Variants in TLR1 observed in about 807,000 individuals in gnomAD.
TLR1 encodes toll like receptor 1, also known as toll-like receptor 1.
A neutral mutation model predicts 20.2 loss-of-function variants in TLR1; 19 were observed. The ratio of observed to expected loss-of-function variants is 0.94; its 90% confidence interval spans 0.66 to 1.38. TLR1 has a LOEUF of 1.38. Among genes scored for constraint, TLR1 ranks in the 40% most tolerant of loss-of-function variants. The pLI is 0.00. For synonymous variants in TLR1, 320 were observed against 334.5 expected, an observed-to-expected ratio of 0.96 and a Z score of 0.47; for missense variants, 921 against 910.0, an observed-to-expected ratio of 1.01 and a Z score of -0.16.
intron 2 of TLR1, among the ~76,000 whole-genome samples, chr4:38,803,175 T>C (rs1726792276): frequency 6.6e-6 from 1 of 152,238 alleles, no homozygotes; most frequent in Admixed American, 6.5e-5. Context: ...TAATGAGAGC[T>C]GTTGCTGAAT....
chr4:38,799,556 A>G (rs1726488101), intron 3 of TLR1, among the ~76,000 whole-genome samples: 1 of 152,242 alleles, frequency 6.6e-6, no homozygotes, highest in African/African-American at 2.4e-5. Context: ...CAGCAGCCTC[A>G]GGAAACTAAT....
chr4:38,789,795 T>A (rs1354874561), downstream of TLR1, among the ~76,000 whole-genome samples: 3 of 152,192 alleles, frequency 2.0e-5, no homozygotes, highest in African/African-American at 7.2e-5. Flanking sequence ...AGCAATATTT[T>A]GGCAGAGATT....
In TLR1 at chr4:38,796,597, C is replaced by A. The variant is rs768660931; in HGVS notation, c.2235G>T (p.Lys745Asn). 6.2e-7 allele frequency: 1 copy of A among 1,614,134 alleles called. No individual in the cohort carries two copies. Among genetic ancestry groups the A allele is most frequent in the Admixed American group, 1.7e-5 (1 of 60,012 alleles). The change falls in exon 4 of 4, where the codon AAG becomes AAT. Residue 745 changes from lysine to asparagine, a missense_variant. Coordinates refer to ENST00000308979, the MANE Select transcript of TLR1 (RefSeq NM_003263.4). ...TCCTCCTGGCCATGAGACTTTTGAG[C>A]TTGTGATAACTGCTAGGAATGGAGT... The part of the protein sequence containing the change: ...PQYSIPSSYH[K>N]LKSLMARRTY...
At chr4:38,800,300 G>A (rs185616973) in intron 3 of TLR1, among the ~76,000 whole-genome samples, 1 of 152,286 alleles carries the variant, frequency 6.6e-6, no homozygotes, top group East Asian at 1.9e-4. Context: ...CTCAGGCTTT[G>A]TTGATCATTG....
downstream of TLR1, chr4:38,794,487 G>T (rs1725902039): frequency 6.6e-6 from 1 of 151,940 alleles, no homozygotes; most frequent in Admixed American, 6.6e-5. Flanking sequence ...GAACCTCACG[G>T]TCCAGTCAAA....
downstream of TLR1, among the ~76,000 whole-genome samples, chr4:38,794,310 A>G (rs1331771190): frequency 6.6e-6 from 1 of 152,224 alleles, no homozygotes. Context: ...TATTTTTAGC[A>G]TACATTTCAT....
downstream of TLR1, among the ~76,000 whole-genome samples, chr4:38,795,508 T>C (rs144759391): frequency 4.7e-4 from 72 of 152,346 alleles, no homozygotes; most frequent in African/African-American, 1.6e-3. Flanking sequence ...TATTCTTCCT[T>C]CTAATCAAAA....
chr4:38,789,678 G>T (rs1435442514), downstream of TLR1, among the ~76,000 whole-genome samples: 1 of 152,074 alleles, frequency 6.6e-6, no homozygotes, highest in Non-Finnish European at 1.5e-5. Context: ...ACCCAGGTTG[G>T]TCTTGAACTC....
In TLR1 at chr4:38,798,247, C is replaced by T. The variant is rs1042727935; in HGVS notation, c.585G>A (p.Val195=). The T allele has an allele frequency of 2.0e-5, 33 of 1,613,338 alleles. 1 individual carries two copies. Among genetic ancestry groups the T allele is most frequent in the Non-Finnish European group, 2.8e-5 (33 of 1,179,578 alleles). ...QDFNTESLHI[V]FPTNKEFHFI... ...AATGGAATTCTTTGTTTGTGGGGAA[C>T]ACAATGTGCAGACTCTCAGTGTTAA... Residue 195 remains valine, a synonymous_variant, in exon 4 of 4, where the codon GTG becomes GTA. Transcript: ENST00000308979.
rs1410319961 is a variant in TLR1, at chr4:38,798,625, T to C, written c.207A>G (p.Ser69=). The C allele has an allele frequency of 1.9e-6, 3 of 1,613,896 alleles. No individual in the cohort carries two copies. The highest frequency in any genetic ancestry group is 2.5e-6 in the Non-Finnish European group (3 of 1,179,822). Residue 69 remains serine (S), a synonymous_variant, in exon 4 of 4, where the codon TCA becomes TCG. Transcript: ENST00000308979. ...ELWTSDILSL[S]KLRILIISHN... ...GAGAAATTATCAAAATCCTCAGTTT[T>C]GACAGTGATAAGATGTCAGAAGTCC...
In TLR1 at chr4:38,796,291, T is replaced by C. The variant is rs1726046267; in HGVS notation, c.*180A>G. On this transcript the variant is annotated 3_prime_UTR_variant, in exon 4 of 4. Coordinates refer to ENST00000308979, the MANE Select transcript of TLR1 (RefSeq NM_003263.4). ...AACTGTTTAAATCAAAGTTATATCA[T>C]TTCATTAATTTTTAATACCACATAT... is the stretch of plus-strand genomic sequence containing the variant. The C allele has an allele frequency of 1.5e-6, 1 of 650,508 alleles. No homozygotes were observed. Among genetic ancestry groups the C allele is most frequent in the Non-Finnish European group, 2.6e-6 (1 of 391,278 alleles). 40.3% of individuals were successfully genotyped at this position (650,508 alleles called of 1,614,324 possible). A position where few individuals can be genotyped will look rare whatever the true frequency, so the allele number is the denominator to read the frequency against.
upstream of TLR1, chr4:38,805,385 T>C (rs1275205160): frequency 1.3e-5 from 2 of 152,232 alleles, no homozygotes; most frequent in Non-Finnish European, 2.9e-5. Context: ...TCAAAACATA[T>C]TTTTGTAAAC....
downstream of TLR1, chr4:38,790,763 A>G (rs954055907): frequency 6.6e-6 from 1 of 152,130 alleles, no homozygotes; most frequent in Non-Finnish European, 1.5e-5. Flanking sequence ...AAAATAAGTC[A>G]TTTTGTTCTA....
At chr4:38,791,292 C>T (rs947933884), downstream of TLR1, 4 of 152,030 alleles carry the variant, frequency 2.6e-5, no homozygotes, top group Admixed American at 6.6e-5. Flanking sequence ...GAAGTGGTAA[C>T]CCAAAAAATG....
downstream of TLR1, among the ~76,000 whole-genome samples, chr4:38,795,594 CAG>C (rs1283457162): frequency 6.6e-6 from 1 of 152,202 alleles, no homozygotes; most frequent in Non-Finnish European, 1.5e-5. Flanking sequence ...AAACTAGACT[CAG>C]AATTTTCATT....
chr4:38,794,313 C>A (rs1290052838), downstream of TLR1, among the ~76,000 whole-genome samples: 1 of 152,164 alleles, frequency 6.6e-6, no homozygotes, highest in Admixed American at 6.6e-5. Context: ...TTTTAGCATA[C>A]ATTTCATGGT....
intron 3 of TLR1, chr4:38,800,597 C>T (rs1275521106): frequency 6.6e-6 from 1 of 151,832 alleles, no homozygotes; most frequent in African/African-American, 2.4e-5. Flanking sequence ...GCAGTCCTCA[C>T]CTCCAGAGAC....
At chr4:38,801,527 C>T (rs13104188) in intron 2 of TLR1, among the ~76,000 whole-genome samples, 2,651 of 152,328 alleles carry the variant, frequency 0.017, 40 homozygotes, top group Non-Finnish European at 0.026. Context: ...GTGGCCTGGT[C>T]TTAAGGCCTA....
At position 38,798,289 on chromosome 4, in the gene TLR1, A is replaced by T; in HGVS notation, c.543T>A (p.Pro181=). Residue 181 remains proline, a synonymous_variant, in exon 4 of 4, where the codon CCT becomes CCA. Coordinates refer to ENST00000308979, the MANE Select transcript of TLR1 (RefSeq NM_003263.4). ...CAGTGTTAAAGTCTTGAAGGCCCTC[A>T]GGGTCTTCTTTTTCCCCATAAGTCT... is the stretch of plus-strand genomic sequence containing the variant. ...LGETYGEKED[P]EGLQDFNTES... The T allele has an allele frequency of 6.2e-7, 1 of 1,612,534 alleles. No individual in the cohort carries two copies.
Sources: allele counts gnomAD v4.1 joint callset (sites outside exome capture counted in the v4.1 genomes callset), GRCh38; gene constraint gnomAD v4.1.1; transcripts MANE v1.5; gene names NCBI Gene and HGNC (gene_info 2026-07-23, HGNC 2026-07-21).